RIF1: variants seen among roughly 807,000 people sequenced by gnomAD.
RIF1 encodes the protein telomere-associated protein RIF1.
A neutral mutation model predicts 247.1 loss-of-function variants in RIF1; 45 were observed. The observed-to-expected ratio is 0.18, with a 90% CI of 0.14 to 0.23. The LOEUF is 0.23. Among genes scored for constraint, RIF1 ranks in the 10% least tolerant of loss-of-function variants. The pLI, the probability that RIF1 is intolerant of heterozygous loss-of-function variation, is 1.00. For synonymous variants in RIF1, 1,087 were observed against 978.8 expected, an observed-to-expected ratio of 1.11 and a Z score of -2.06; for missense variants, 2,967 against 2,862.5, an observed-to-expected ratio of 1.04 and a Z score of -0.83.
At chr2:151,519,433 T>G in the RIF1 span, among the ~76,000 whole-genome samples, 1 of 152,268 alleles carries the variant, frequency 6.6e-6, no homozygotes, top group Admixed American at 6.5e-5. Context: ...GGCAAATGCA[T>G]AGAGACAAAA....
At position 151,463,508 on chromosome 2, in the gene RIF1, G is replaced by A; in HGVS notation, c.3988G>A (p.Gly1330Ser). The change falls in exon 30 of 36, where the codon GGT (glycine) becomes AGT (serine). Residue 1330 changes from glycine (G) to serine (S), a missense_variant. Gly to Ser is a moderately conservative substitution (Grantham distance 56). This residue lies in a region of RIF1 where 2,028 missense variants were observed against 1,825.6 expected (regional missense o/e 1.11). Transcript: ENST00000444746. Reference protein sequence around the residue: ...GIVVLENNPPGLLNQTECVSD... With the variant: ...GIVVLENNPPSLLNQTECVSD... ...TGTAGTCTTAGAAAATAACCCACCT[G>A]GTTTGCTTAATCAAACAGAATGTGT... 6.2e-7 allele frequency: 1 copy of A among 1,613,970 alleles called. No homozygotes were observed. Among genetic ancestry groups the A allele is most frequent in the Non-Finnish European group, 8.5e-7 (1 of 1,179,932 alleles).
At chr2:151,501,544 A>C (rs1338869930) in intron 11 of RIF1, 23 of 892,606 alleles carry the variant, frequency 2.6e-5, no homozygotes, top group Non-Finnish European at 3.6e-5. Context: ...GGTAGACTTA[A>C]CCTAAAAAAA....
chr2:151,420,208 A>G lies in RIF1; in HGVS notation c.522A>G (p.Pro174=), dbSNP rs139969964. ...NVIVRLIEQA[P]IQMGEEAVRW... ...ATTATAGGCTAATTGAACAAGCCCCAATTCAAATGGGAGAAGAGGCAGTGA... is the reference window on the plus strand; with the variant it reads ...ATTATAGGCTAATTGAACAAGCCCCGATTCAAATGGGAGAAGAGGCAGTGA... The change falls in exon 7 of 36, where the codon CCA becomes CCG. Residue 174 remains proline (P), a synonymous_variant. Transcript: ENST00000444746. 9.3e-6 allele frequency: 15 copies of G among 1,613,604 alleles called. No homozygotes were observed. Among genetic ancestry groups the G allele is most frequent in the African/African-American group, 1.3e-5 (1 of 74,924 alleles).
Position 151,461,154 on chromosome 2 carries a change from C to T in RIF1, c.3092C>T (p.Ser1031Leu), listed in dbSNP as rs1696097007. ...AATCTGCAGCTGAAACTTGAATCTT[C>T]GTCTTTAAAAGTAAAGGGTGAAATT... ...KPAAKLKLES[S>L]SLKVKGEILL... is the part of the protein sequence containing the mutation. The change falls in exon 27 of 36, where the codon TCG (serine) becomes TTG (leucine). Residue 1031 changes from serine to leucine, a missense_variant. By Grantham distance (145) the Ser-to-Leu change is moderately radical (BLOSUM62 -2). Coordinates refer to ENST00000444746, the MANE Select transcript of RIF1 (RefSeq NM_018151.5). 1.9e-6 allele frequency: 3 copies of T among 1,608,102 alleles called. No homozygotes were observed. The highest frequency in any genetic ancestry group is 2.5e-6 in the Non-Finnish European group (3 of 1,178,602).
At position 151,462,124 on chromosome 2, in the gene RIF1, C is replaced by T. The variant is rs754645053; in HGVS notation, c.3228-118C>T. The T allele has an allele frequency of 1.2e-4, 70 of 564,224 alleles. No homozygotes were observed. In the Admixed American group the frequency reaches 1.9e-3, roughly 15 times the overall value. 35.0% of individuals were successfully genotyped at this position (564,224 alleles called of 1,614,324 possible). Reference sequence around the variant, plus strand: ...CTGAGCTCAAGCAGCCCACCCACCTCAACCTCCCAAAGTGCTGGGATTACA... The same window carrying T: ...CTGAGCTCAAGCAGCCCACCCACCTTAACCTCCCAAAGTGCTGGGATTACA... On this transcript the variant is annotated intron_variant, in intron 27 of 35. Transcript: ENST00000444746.
the RIF1 span, chr2:151,525,870 G>A: frequency 1.0e-6 from 1 of 1,000,064 alleles, no homozygotes; most frequent in Admixed American, 1.7e-5. Context: ...GCTACATAAA[G>A]GAAGCAAAAG....
At chr2:151,415,516 C>T (rs887195126) in intron 4 of RIF1, among the ~76,000 whole-genome samples, 3 of 134,958 alleles carry the variant, frequency 2.2e-5, no homozygotes, top group African/African-American at 8.4e-5. Context: ...ATGGCGTGAA[C>T]CTGGCAGGCA....
intron 20 of RIF1, among the ~76,000 whole-genome samples, chr2:151,447,317 T>C (rs1357202922): frequency 6.6e-6 from 1 of 152,266 alleles, no homozygotes; most frequent in African/African-American, 2.4e-5. Flanking sequence ...ATAGACCTCT[T>C]TCTGTTTACG....
chr2:151,448,347 A>C (rs1010058009), intron 20 of RIF1, among the ~76,000 whole-genome samples: 2 of 152,124 alleles, frequency 1.3e-5, no homozygotes, highest in African/African-American at 4.8e-5. Context: ...CCCAGCCAAA[A>C]ATGACAGTTC....
the RIF1 span, chr2:151,525,166 A>G: frequency 6.8e-6 from 11 of 1,611,722 alleles, no homozygotes; most frequent in Non-Finnish European, 9.3e-6. Context: ...AACTTACATC[A>G]CTTTGCTTCT....
chr2:151,458,737 CTGT>C, intron 24 of RIF1, 71 bp from the exon 25 acceptor site: 9 of 648,016 alleles, frequency 1.4e-5, no homozygotes, highest in Non-Finnish European at 2.3e-5. Context: ...AATTAAAGTG[CTGT>C]TGTTAACAGA....
chr2:151,523,608 T>C, the RIF1 span, among the ~76,000 whole-genome samples: 1 of 152,224 alleles, frequency 6.6e-6, no homozygotes, highest in Non-Finnish European at 1.5e-5. Context: ...TGAGCTAAAG[T>C]CTGAAAACCT....
At chr2:151,449,795 G>A (rs1465972919) in intron 20 of RIF1, among the ~76,000 whole-genome samples, 1 of 149,838 alleles carries the variant, frequency 6.7e-6, no homozygotes, top group Non-Finnish European at 1.5e-5. Context: ...ACATATGCAT[G>A]TAAGACTTTG....
At chr2:151,513,598 A>G in the RIF1 span, 4 of 1,607,752 alleles carry the variant, frequency 2.5e-6, no homozygotes, top group Non-Finnish European at 3.4e-6. Flanking sequence ...CAATATCAGT[A>G]GCATTCCTGG....
intron 13 of RIF1, among the ~76,000 whole-genome samples, chr2:151,506,532 A>G (rs2069039018): frequency 6.6e-6 from 1 of 152,228 alleles, no homozygotes; most frequent in South Asian, 2.1e-4. Flanking sequence ...GTTGATTAAC[A>G]ACAAAACCCT....
chr2:151,529,534 A>ATT, the RIF1 span, among the ~76,000 whole-genome samples: 148 of 144,820 alleles, frequency 1.0e-3, no homozygotes, highest in Admixed American at 2.8e-3. Flanking sequence ...TTGCCATATA[A>ATT]TTTTTTTTTT....
the RIF1 span, among the ~76,000 whole-genome samples, chr2:151,516,873 G>A: frequency 6.6e-6 from 1 of 152,148 alleles, no homozygotes; most frequent in African/African-American, 2.4e-5. Context: ...AAATTACCCA[G>A]GTAGATGAGG....
At chr2:151,506,733 A>C (rs971573799) in intron 13 of RIF1, among the ~76,000 whole-genome samples, 5 of 152,118 alleles carry the variant, frequency 3.3e-5, no homozygotes, top group African/African-American at 1.2e-4. Context: ...AGTTATTTCA[A>C]ATGGTCTCTG....
At chr2:151,490,601 A>C in intron 9 of RIF1, 1 of 1,488,602 alleles carries the variant, frequency 6.7e-7, no homozygotes, top group Non-Finnish European at 9.2e-7. Context: ...AATCTCAGTT[A>C]TTGTTATCTT....
Sources: gnomAD v4.1 joint callset for allele counts (sites outside exome capture counted in the v4.1 genomes callset) on GRCh38, gnomAD v4.1.1 for gene constraint, gnomAD v4.1.1 regional missense constraint, MANE v1.5 for transcripts, NCBI Gene and HGNC (gene_info 2026-07-23, HGNC 2026-07-21) for gene names.